The following NLRP5 variants were observed in gnomAD, a reference collection of about 807,000 sequenced individuals.
The protein encoded by NLRP5 is NACHT, LRR and PYD domains-containing protein 5.
NLRP5 carries 93 observed loss-of-function variants against 113.1 expected under a neutral mutation model. The ratio of observed to expected loss-of-function variants is 0.82; its 90% CI spans 0.70 to 0.98. The LOEUF (loss-of-function observed/expected upper bound fraction) is 0.98, where lower values mean the gene tolerates loss of function less well. NLRP5 is among the 50% of genes least tolerant of loss of function. The pLI is 0.00. For synonymous variants in NLRP5, 751 were observed against 600.7 expected, an observed-to-expected ratio of 1.25 and a Z score of -3.66; for missense variants, 1,808 against 1,514.3, an observed-to-expected ratio of 1.19 and a Z score of -3.22.
At chr19:56,003,481 C>G (rs1981733865) in intron 1 of NLRP5, among the ~76,000 whole-genome samples, 1 of 152,136 alleles carries the variant, frequency 6.6e-6, no homozygotes, top group African/African-American at 2.4e-5. Flanking sequence ...GTATGACATA[C>G]TAGCTAAGAA....
chr19:56,004,434 G>A (rs1981777207), intron 2 of NLRP5, among the ~76,000 whole-genome samples: 2 of 152,112 alleles, frequency 1.3e-5, no homozygotes, highest in African/African-American at 4.8e-5. Flanking sequence ...TCTGACCCTT[G>A]GATCCCACAT....
chr19:55,993,071 A>C, the NLRP5 span, among the ~76,000 whole-genome samples: 1 of 150,320 alleles, frequency 6.7e-6, no homozygotes, highest in Non-Finnish European at 1.5e-5. Flanking sequence ...CTGGTCTTGA[A>C]CTCCCGACCT....
chr19:55,998,722 A>G (rs1353876910), upstream of NLRP5, among the ~76,000 whole-genome samples: 4 of 141,432 alleles, frequency 2.8e-5, no homozygotes, highest in African/African-American at 8.1e-5. Context: ...GTGTATATAT[A>G]TATATATGTG....
Position 56,007,888 on chromosome 19 carries a change from T to TGC in NLRP5, c.443-896_443-895dup, listed in dbSNP as rs774769276. On this transcript the variant is annotated intron_variant, in intron 2 of 14. Coordinates refer to ENST00000390649, the MANE Select transcript of NLRP5 (RefSeq NM_153447.4). ...GACAGTTTGTGTGTGTGTGTGTGTG[T>TGC]GCGCGTGCGCGCGTGCGTGTGTGTG... is the stretch of plus-strand genomic sequence containing the variant. Among the ~76,000 whole-genome samples, 7 of 67,992 alleles carry TGC rather than the reference T, an allele frequency of 1.0e-4. 2 individuals carry two copies. The highest frequency in any genetic ancestry group is 1.4e-4 in the African/African-American group (3 of 21,068). 44.6% of individuals were successfully genotyped at this position (67,992 alleles called of 152,430 possible).
intron 3 of NLRP5, among the ~76,000 whole-genome samples, chr19:56,010,742 C>CCAAA (rs1555764914): frequency 4.8e-5 from 2 of 41,284 alleles, no homozygotes; most frequent in African/African-American, 2.1e-4. Context: ...AACTCTGTCT[C>CCAAA]AAAAAAAAAA....
At chr19:56,009,654 A>T (rs1307935591) in intron 3 of NLRP5, among the ~76,000 whole-genome samples, 1 of 152,146 alleles carries the variant, frequency 6.6e-6, no homozygotes, top group Non-Finnish European at 1.5e-5. Context: ...CTAAGATGAC[A>T]CAAGGGAAGG....
intron 3 of NLRP5, among the ~76,000 whole-genome samples, chr19:56,009,751 A>G (rs1003824234): frequency 1.3e-5 from 2 of 152,156 alleles, no homozygotes; most frequent in Non-Finnish European, 2.9e-5. Flanking sequence ...CTCAGCTCCC[A>G]GCAGCCAGTG....
At chr19:55,998,692 A>ATATATATGTGTG (rs1981444062), upstream of NLRP5, among the ~76,000 whole-genome samples, 1 of 51,536 alleles carries the variant, frequency 1.9e-5, no homozygotes, top group African/African-American at 6.4e-5. Context: ...ATATATATAT[A>ATATATATGTGTG]TATATATATA....
At chr19:56,009,824 T>G (rs1599880736) in intron 3 of NLRP5, among the ~76,000 whole-genome samples, 1 of 152,304 alleles carries the variant, frequency 6.6e-6, no homozygotes, top group East Asian at 1.9e-4. Context: ...GATGGAGCTT[T>G]GCTCAGGCTG....
intron 1 of NLRP5, among the ~76,000 whole-genome samples, chr19:56,001,159 CTT>C (rs34070550): frequency 0.36 from 51,465 of 141,846 alleles, 9,736 homozygotes; most frequent in East Asian, 0.61. Context: ...CTTGTCTCTA[CTT>C]TTTTTTTTTT....
the NLRP5 span, chr19:55,988,628 G>C: frequency 3.3e-5 from 5 of 151,640 alleles, no homozygotes; most frequent in African/African-American, 9.7e-5. Flanking sequence ...ACTGTCCCTA[G>C]ACCATACTCG....
chr19:55,997,222 C>T (rs766136491), upstream of NLRP5, among the ~76,000 whole-genome samples: 9 of 151,936 alleles, frequency 5.9e-5, no homozygotes, highest in Admixed American at 4.6e-4. Context: ...TTATCAAATG[C>T]TTTTTCTGCA....
intron 1 of NLRP5, 117 bp from the exon 2 acceptor site, chr19:56,003,619 G>T (rs748151527): frequency 1.6e-6 from 2 of 1,235,098 alleles, no homozygotes; most frequent in East Asian, 2.3e-5. Flanking sequence ...CAAATGCTTC[G>T]TCCATGAAGA....
Position 56,008,841 on chromosome 19 carries a change from G to GA in NLRP5, c.501dup (p.Val168SerfsTer12), listed in dbSNP as rs1347038044. ...GATGACTGACCAAGGACCAAGCAAG[G>GA]AAAAAGTGCCAGGTTAGAGGGGTGG... is the stretch of plus-strand genomic sequence containing the variant. On this transcript the variant is annotated frameshift_variant, in exon 3 of 15. Coordinates refer to ENST00000390649, the MANE Select transcript of NLRP5 (RefSeq NM_153447.4). LOFTEE classifies it high-confidence loss of function. 5.6e-6 allele frequency: 9 copies of GA among 1,612,304 alleles called. No individual in the cohort carries two copies. The highest frequency in any genetic ancestry group is 7.6e-6 in the Non-Finnish European group (9 of 1,179,278).
rs531513524 is a variant in NLRP5 at position 56,006,472 on chromosome 19, C to A, written c.443-2316C>A. 2.0e-5 allele frequency among the ~76,000 whole-genome samples: 3 copies of A among 152,136 alleles called. No homozygotes were observed. In the South Asian group the frequency reaches 6.2e-4, roughly 32 times the overall value. The stretch of plus-strand genomic sequence containing the variant: ...TAGGCCAGGTGGGTGTGGCTAATGC[C>A]TGTAATCCCAGCACTCTGGGAGGCC... On this transcript the variant is annotated intron_variant, in intron 2 of 14. Transcript: ENST00000390649.
At chr19:56,009,775 C>T (rs942969711) in intron 3 of NLRP5, among the ~76,000 whole-genome samples, 1 of 152,152 alleles carries the variant, frequency 6.6e-6, no homozygotes, top group African/African-American at 2.4e-5. Flanking sequence ...ACCGTGAAAC[C>T]TAATCTGGTT....
chr19:56,057,364 G>A (rs918774719), intron 13 of NLRP5, among the ~76,000 whole-genome samples: 1 of 151,148 alleles, frequency 6.6e-6, no homozygotes, highest in East Asian at 2.0e-4. Context: ...TTGGCTTTCT[G>A]TTGCTCTTAA....
Position 56,050,668 on chromosome 19 carries a change from G to A in NLRP5, c.3128+80G>A, listed in dbSNP as rs949240193. On this transcript the variant is annotated intron_variant, in intron 12 of 14. Coordinates refer to ENST00000390649, the MANE Select transcript of NLRP5 (RefSeq NM_153447.4). Reference sequence around the variant, plus strand: ...TGAAAGGTCAAGAGATAGGAGCAGGGAGACCGGAACCAAAAACTGCTTTCA... The same window carrying A: ...TGAAAGGTCAAGAGATAGGAGCAGGAAGACCGGAACCAAAAACTGCTTTCA... 5 of 1,417,268 alleles carry A rather than the reference G, an allele frequency of 3.5e-6. No individual in the cohort carries two copies. The African/African-American group carries it at 5.8e-5, about 16-fold the overall frequency. The allele number at this position is 1,417,268 out of a possible 1,614,324, so 87.8% of individuals were successfully genotyped here.
intron 1 of NLRP5, 129 bp from the exon 2 acceptor site, chr19:56,003,607 A>G: frequency 8.8e-7 from 1 of 1,137,740 alleles, no homozygotes; most frequent in South Asian, 1.5e-5. Context: ...ATATTGTGGC[A>G]ACAAATGCTT....
Sources: allele counts gnomAD v4.1 joint callset (sites outside exome capture counted in the v4.1 genomes callset), GRCh38; gene constraint gnomAD v4.1.1; transcripts MANE v1.5; gene names NCBI Gene and HGNC (gene_info 2026-07-23, HGNC 2026-07-21).